Variants in CRBN observed in about 807,000 individuals in gnomAD.
CRBN encodes protein cereblon.
Under a neutral mutation model 62.2 loss-of-function variants are expected in CRBN, and 53 were observed. The observed-to-expected ratio is 0.85, with a 90% CI of 0.68 to 1.07. The LOEUF is 1.07. Ranked by LOEUF, CRBN falls within the 50% of genes least tolerant of loss-of-function variation. The probability of loss-of-function intolerance (pLI) is 0.00; values close to 1 mark genes in which losing one functional copy is unlikely to be tolerated. For missense variants in CRBN, 616 were observed against 531.1 expected (o/e 1.16, Z -1.57); for synonymous variants, 208 against 176.1 (o/e 1.18, Z -1.43).
At chr3:3,159,359 C>T (rs1164062357) in intron 5 of CRBN, among the ~76,000 whole-genome samples, 1 of 151,958 alleles carries the variant, frequency 6.6e-6, no homozygotes. Context: ...GTTTTAGTTT[C>T]GCTGACACAC....
chr3:3,155,163 G>T, intron 6 of CRBN: 1 of 284,536 alleles, frequency 3.5e-6, no homozygotes, highest in Non-Finnish European at 6.7e-6. Context: ...CAGTCCATAG[G>T]GATTATGGCA....
chr3:3,165,292 C>A (rs1277080281), intron 5 of CRBN, among the ~76,000 whole-genome samples: 1 of 152,170 alleles, frequency 6.6e-6, no homozygotes, highest in Non-Finnish European at 1.5e-5. Flanking sequence ...GTTGATAAAG[C>A]AGCAGCAAGT....
intron 4 of CRBN, among the ~76,000 whole-genome samples, chr3:3,169,273 CCCAGCAG>C (rs1238400275): frequency 6.6e-6 from 1 of 152,174 alleles, no homozygotes; most frequent in East Asian, 1.9e-4. Context: ...TGGTTCTTCT[CCCAGCAG>C]CTGAGTTTTG....
Position 3,173,897 on chromosome 3 carries a change from A to C in CRBN, c.377+162T>G, listed in dbSNP as rs528874388. 1 of 674,396 alleles carries C rather than the reference A, an allele frequency of 1.5e-6. No homozygotes were observed. The highest frequency in any genetic ancestry group is 2.7e-5 in the East Asian group (1 of 36,896). The allele number at this position is 674,396 out of a possible 1,614,324, so 41.8% of individuals were successfully genotyped here. ...GTAATGAAATGAACAAAAATACTCCAACTTGCACTATCAAACTTCTACTTA... is the reference window on the plus strand; with the variant it reads ...GTAATGAAATGAACAAAAATACTCCCACTTGCACTATCAAACTTCTACTTA... On this transcript the variant is annotated intron_variant, in intron 3 of 10. Coordinates refer to ENST00000231948, the MANE Select transcript of CRBN (RefSeq NM_016302.4).
chr3:3,178,020 A>AC (rs898804700), intron 1 of CRBN, among the ~76,000 whole-genome samples: 27 of 151,762 alleles, frequency 1.8e-4, no homozygotes, highest in Non-Finnish European at 2.6e-4. Context: ...AAACAAACAA[A>AC]AAAAAAACAA....
Position 3,153,992 on chromosome 3 carries a change from G to T in CRBN, c.919C>A (p.Arg307=). 1 of 1,611,592 alleles carries T rather than the reference G, an allele frequency of 6.2e-7. No homozygotes were observed. Among genetic ancestry groups the T allele is most frequent in the South Asian group, 1.1e-5 (1 of 91,010 alleles). Reference sequence around the variant, plus strand: ...ATAATGTCTAATTCACAGCGAAGTCGCTGGATAGCACTGCCAATTTTAAGG... The same window carrying T: ...ATAATGTCTAATTCACAGCGAAGTCTCTGGATAGCACTGCCAATTTTAAGG... ...QLLKIGSAIQ[R]LRCELDIMNK... Residue 307 remains arginine (R), a synonymous_variant, in exon 8 of 11, where the codon CGA becomes AGA. Coordinates refer to ENST00000231948, the MANE Select transcript of CRBN (RefSeq NM_016302.4).
Position 3,156,221 on chromosome 3 carries a change from C to T in CRBN, c.748G>A (p.Ala250Thr). ...TAAATTTAAGGTAAGTTACTTACAG[C>T]ATCATATAAGGAATACAGCCAGCGA... ...WPRWLYSLYDAETLMDRIKKQ... is the reference protein window; with the variant it reads ...WPRWLYSLYDTETLMDRIKKQ... The change falls in exon 6 of 11, where the codon GCT becomes ACT. Residue 250 changes from alanine to threonine, a missense_variant and splice_region_variant. Coordinates refer to ENST00000231948, the MANE Select transcript of CRBN (RefSeq NM_016302.4). 6.2e-7 allele frequency: 1 copy of T among 1,611,816 alleles called. No homozygotes were observed. Among genetic ancestry groups the T allele is most frequent in the Non-Finnish European group, 8.5e-7 (1 of 1,178,072 alleles).
rs940837083 is a variant in CRBN, at chr3:3,150,765, A to G, written c.*100T>C. The G allele has an allele frequency of 1.8e-6, 2 of 1,129,244 alleles. No individual in the cohort carries two copies. The highest frequency in any genetic ancestry group is 2.1e-5 in the Admixed American group (1 of 48,238). 70.0% of individuals were successfully genotyped at this position (1,129,244 alleles called of 1,614,324 possible). A position where few individuals can be genotyped will look rare whatever the true frequency, so the allele number is the denominator to read the frequency against. On this transcript the variant is annotated 3_prime_UTR_variant, in exon 11 of 11. Transcript: ENST00000231948. ...TAATGTTATGTTTACTTAGGTATTAATGTTATGTTTACTTAGGTATGTATC... is the reference window on the plus strand; with the variant it reads ...TAATGTTATGTTTACTTAGGTATTAGTGTTATGTTTACTTAGGTATGTATC...
intron 4 of CRBN, among the ~76,000 whole-genome samples, chr3:3,170,116 A>T (rs1349129685): frequency 6.6e-6 from 1 of 152,164 alleles, no homozygotes; most frequent in African/African-American, 2.4e-5. Flanking sequence ...AACAGCTGGA[A>T]TTACAGGCAC....
chr3:3,152,524 A>G lies in CRBN; in HGVS notation c.1080T>C (p.Leu360=). 1 of 1,614,056 alleles carries G rather than the reference A, an allele frequency of 6.2e-7. No individual in the cohort carries two copies. The highest frequency in any genetic ancestry group is 8.5e-7 in the Non-Finnish European group (1 of 1,179,910). ...VNPHGYVHET[L]TVYKACNLNL... ...TCAAGTTGCAAGCCTTATACACAGT[A>G]AGTGTCTCATGCACATATCCATGAG... The change falls in exon 10 of 11, where the codon CTT becomes CTC. Residue 360 remains leucine, a synonymous_variant. Transcript: ENST00000231948.
chr3:3,179,667 C>A lies in CRBN; in HGVS notation c.21G>T (p.Gln7His), dbSNP rs774302109. The A allele has an allele frequency of 6.2e-7, 1 of 1,613,170 alleles. No individual in the cohort carries two copies. The highest frequency in any genetic ancestry group is 8.5e-7 in the Non-Finnish European group (1 of 1,179,604). The change falls in exon 1 of 11, where the codon CAG (glutamine) becomes CAT (histidine). Residue 7 changes from glutamine (Q) to histidine (H), a missense_variant. Coordinates refer to ENST00000231948, the MANE Select transcript of CRBN (RefSeq NM_016302.4). The part of the protein sequence containing the change: MAGEGD[Q>H]QDAAHNMGNH... ...TGCCCATGTTGTGCGCAGCGTCCTG[C>A]TGATCTCCTTCGCCGGCCATGTCTG...
At chr3:3,163,424 CT>C in intron 5 of CRBN, among the ~76,000 whole-genome samples, 1 of 151,242 alleles carries the variant, frequency 6.6e-6, no homozygotes, top group South Asian at 2.1e-4. Context: ...CCAGCTCTAT[CT>C]TTTCTTGTCT....
At chr3:3,174,318 G>C in intron 2 of CRBN, 57 bp from the exon 3 acceptor site, 2 of 1,341,256 alleles carry the variant, frequency 1.5e-6, no homozygotes, top group East Asian at 4.7e-5. Context: ...AAAAATGTAA[G>C]CTCAACAGAC....
At chr3:3,167,496 G>C (rs1362598501) in intron 5 of CRBN, 138 bp downstream of exon 5, 12 of 815,350 alleles carry the variant, frequency 1.5e-5, no homozygotes, top group Admixed American at 5.3e-5. Flanking sequence ...GCAATTTTTA[G>C]AGGATCAAAT....
intron 7 of CRBN, 31 bp from the exon 8 acceptor site, chr3:3,154,106 T>G: frequency 7.6e-7 from 1 of 1,314,326 alleles, no homozygotes; most frequent in Non-Finnish European, 1.1e-6. Context: ...AGTTTTAAAC[T>G]TAGGAGTCAG....
At position 3,175,272 on chromosome 3, in the gene CRBN, A is replaced by G. The variant is rs1200090134; in HGVS notation, c.68-3T>C. On this transcript the variant is annotated splice_region_variant and splice_polypyrimidine_tract_variant and intron_variant, in intron 1 of 10. Coordinates refer to ENST00000231948, the MANE Select transcript of CRBN (RefSeq NM_016302.4). ...TTCATCTTCTTCCTCACTCTCTGCTATAAAAGTAGAATATTGTAAGAAAAA... is the reference window on the plus strand; with the variant it reads ...TTCATCTTCTTCCTCACTCTCTGCTGTAAAAGTAGAATATTGTAAGAAAAA... 3 of 1,576,482 alleles carry G rather than the reference A, an allele frequency of 1.9e-6. No homozygotes were observed. Among genetic ancestry groups the G allele is most frequent in the African/African-American group, 1.3e-5 (1 of 74,076 alleles).
intron 1 of CRBN, among the ~76,000 whole-genome samples, chr3:3,175,783 T>C (rs1337130771): frequency 1.3e-5 from 2 of 152,166 alleles, no homozygotes; most frequent in Non-Finnish European, 2.9e-5. Flanking sequence ...GTCAGGCCTT[T>C]TGTAGAGTAT....
chr3:3,157,240 T>C (rs1051392947), intron 5 of CRBN, among the ~76,000 whole-genome samples: 1 of 152,156 alleles, frequency 6.6e-6, no homozygotes, highest in African/African-American at 2.4e-5. Flanking sequence ...TAGAGTGAAA[T>C]ACATTAGAAT....
At chr3:3,156,413 A>G in intron 5 of CRBN, 132 bp from the exon 6 acceptor site, 1 of 745,218 alleles carries the variant, frequency 1.3e-6, no homozygotes. Flanking sequence ...AATTTTGTAG[A>G]TAATCCCATG....
Sources: gnomAD v4.1 joint callset for allele counts (sites outside exome capture counted in the v4.1 genomes callset) on GRCh38, gnomAD v4.1.1 for gene constraint, MANE v1.5 for transcripts, NCBI Gene and HGNC (gene_info 2026-07-23, HGNC 2026-07-21) for gene names.